SLC16A14: variants seen among roughly 807,000 people sequenced by gnomAD.
SLC16A14 encodes the protein solute carrier family 16 member 14, also known as monocarboxylate transporter 14.
Under a neutral mutation model 35.8 loss-of-function variants are expected in SLC16A14, and 14 were observed. The observed-to-expected ratio is 0.39, with a 90% CI of 0.26 to 0.61. SLC16A14 has a LOEUF of 0.61. Ranked by LOEUF, SLC16A14 falls within the 20% of genes least tolerant of loss-of-function variation. The pLI is 0.51. For synonymous variants in SLC16A14, 248 were observed against 258.9 expected, an observed-to-expected ratio of 0.96 and a Z score of 0.40; for missense variants, 533 against 655.0, an observed-to-expected ratio of 0.81 and a Z score of 2.03.
At chr2:230,063,026 G>GCCTGTAAT (rs1450876541) in intron 1 of SLC16A14, among the ~76,000 whole-genome samples, 2 of 152,092 alleles carry the variant, frequency 1.3e-5, no homozygotes, top group South Asian at 4.1e-4. Flanking sequence ...AGTGGTTCAA[G>GCCTGTAAT]CCTGTAATCC....
intron 1 of SLC16A14, among the ~76,000 whole-genome samples, chr2:230,060,523 A>ATG (rs1560481689): frequency 6.6e-5 from 10 of 150,790 alleles, no homozygotes; most frequent in African/African-American, 2.2e-4. Context: ...TCATATGTAT[A>ATG]TATGTATGTA....
At chr2:230,058,293 A>G (rs2077723540) in intron 2 of SLC16A14, 1 of 152,108 alleles carries the variant, frequency 6.6e-6, no homozygotes, top group South Asian at 2.1e-4. Flanking sequence ...AATATTAATA[A>G]GTTCTGATAA....
intron 2 of SLC16A14, 179 bp downstream of exon 2, chr2:230,058,915 G>A (rs559309846): frequency 4.3e-5 from 35 of 817,948 alleles, no homozygotes; most frequent in South Asian, 5.6e-5. Flanking sequence ...TTACAGGTGT[G>A]AGTCACCGTG....
chr2:230,040,079 G>T (rs945249632), intron 4 of SLC16A14, among the ~76,000 whole-genome samples: 21 of 151,988 alleles, frequency 1.4e-4, no homozygotes, highest in African/African-American at 5.1e-4. Flanking sequence ...TTCTGGGTGG[G>T]ATAGTAATAA....
intron 4 of SLC16A14, among the ~76,000 whole-genome samples, chr2:230,043,066 C>T (rs181724116): frequency 2.1e-4 from 32 of 152,308 alleles, no homozygotes; most frequent in African/African-American, 7.5e-4. Context: ...GCGTTCTGAC[C>T]TGACAGAGAA....
chr2:230,058,857 A>G (rs1456832237), intron 2 of SLC16A14, among the ~76,000 whole-genome samples: 2 of 152,172 alleles, frequency 1.3e-5, no homozygotes, highest in Non-Finnish European at 2.9e-5. Context: ...GATCTCGAAC[A>G]TCCGACCTCA....
In SLC16A14 at chr2:230,046,003, C is replaced by A; in HGVS notation, c.1123G>T (p.Asp375Tyr). 2 of 1,613,920 alleles carry A rather than the reference C, an allele frequency of 1.2e-6. No individual in the cohort carries two copies. Among genetic ancestry groups the A allele is most frequent in the Non-Finnish European group, 1.7e-6 (2 of 1,179,782 alleles). The part of the protein sequence containing the change: ...FGKVILGVIA[D>Y]LPCISVWNVF... Reference sequence around the variant, plus strand: ...TTCCAAACACTAATGCAAGGCAAGTCGGCTATGACGCCCAGGATCACTTTT... The same window carrying A: ...TTCCAAACACTAATGCAAGGCAAGTAGGCTATGACGCCCAGGATCACTTTT... Residue 375 changes from aspartate to tyrosine, a missense_variant, in exon 4 of 5, where the codon GAC becomes TAC. Physicochemically the swap from Asp to Tyr is radical, Grantham distance 160. Transcript: ENST00000295190. The surrounding 1 kb of genome is among the most constrained non-coding windows in gnomAD (Gnocchi z 5.0).
chr2:230,055,395 T>C (rs947913056), intron 2 of SLC16A14, among the ~76,000 whole-genome samples: 1 of 152,180 alleles, frequency 6.6e-6, no homozygotes, highest in African/African-American at 2.4e-5. Context: ...ATAGATAGAA[T>C]AAAAGACCTT....
intron 4 of SLC16A14, among the ~76,000 whole-genome samples, chr2:230,037,982 A>G (rs567275413): frequency 6.6e-6 from 1 of 152,374 alleles, no homozygotes; most frequent in East Asian, 1.9e-4. Flanking sequence ...GTGTGTATCA[A>G]AAGAGGCTGG....
Position 230,052,359 on chromosome 2 carries a change from T to C in SLC16A14, c.260-2455A>G, listed in dbSNP as rs374402258. 7.2e-5 allele frequency among the ~76,000 whole-genome samples: 11 copies of C among 152,236 alleles called. No individual in the cohort carries two copies. In the East Asian group the frequency reaches 9.6e-4, roughly 13 times the overall value. On this transcript the variant is annotated intron_variant, in intron 2 of 4. Coordinates refer to ENST00000295190, the MANE Select transcript of SLC16A14 (RefSeq NM_152527.5). ...GGGGTTAACTGAAATTCACATACCGTAAGTTAGAGATACTTGTCTGATTTC... is the reference window on the plus strand; with the variant it reads ...GGGGTTAACTGAAATTCACATACCGCAAGTTAGAGATACTTGTCTGATTTC...
chr2:230,045,326 G>A (rs1243743566), intron 4 of SLC16A14, among the ~76,000 whole-genome samples: 1 of 152,246 alleles, frequency 6.6e-6, no homozygotes, highest in Non-Finnish European at 1.5e-5. Flanking sequence ...GGAAGGCTGA[G>A]GCAGGTGGAT....
At chr2:230,051,343 T>G (rs1469148218) in intron 2 of SLC16A14, among the ~76,000 whole-genome samples, 2 of 152,134 alleles carry the variant, frequency 1.3e-5, no homozygotes, top group Non-Finnish European at 2.9e-5. Context: ...GTATTTTTTA[T>G]AGAGATAGGG....
chr2:230,040,187 C>T (rs1417787600), intron 4 of SLC16A14, among the ~76,000 whole-genome samples: 1 of 151,724 alleles, frequency 6.6e-6, no homozygotes, highest in Non-Finnish European at 1.5e-5. Context: ...AAGTATATTA[C>T]ATATTGCTAC....
At chr2:230,063,976 T>C (rs2106281088) in intron 1 of SLC16A14, among the ~76,000 whole-genome samples, 1 of 151,970 alleles carries the variant, frequency 6.6e-6, no homozygotes, top group South Asian at 2.1e-4. Flanking sequence ...CGCATACTTG[T>C]GGTCCCAGCT....
At chr2:230,054,908 A>AAG (rs1355310156) in intron 2 of SLC16A14, among the ~76,000 whole-genome samples, 2 of 151,946 alleles carry the variant, frequency 1.3e-5, no homozygotes, top group East Asian at 3.9e-4. Flanking sequence ...AAAAAAAAAA[A>AAG]AAGAAGAAGA....
chr2:230,057,281 C>A (rs2077713311), intron 2 of SLC16A14, among the ~76,000 whole-genome samples: 1 of 152,122 alleles, frequency 6.6e-6, no homozygotes, highest in African/African-American at 2.4e-5. Flanking sequence ...AGAGTTATTT[C>A]ATTTTCAAAC....
intron 2 of SLC16A14, 100 bp from the exon 3 acceptor site, chr2:230,050,004 G>T: frequency 7.3e-7 from 1 of 1,378,030 alleles, no homozygotes; most frequent in Non-Finnish European, 9.8e-7. Context: ...TGTCACTAGA[G>T]CTGTTAAATG....
chr2:230,061,668 G>A (rs181244584), intron 1 of SLC16A14, among the ~76,000 whole-genome samples: 1 of 152,198 alleles, frequency 6.6e-6, no homozygotes, highest in African/African-American at 2.4e-5. Context: ...TGAAGACTGC[G>A]AGGTACAAAA....
Position 230,046,044 on chromosome 2 carries a change from A to G in SLC16A14, c.1082T>C (p.Ile361Thr), listed in dbSNP as rs1036207505. 3.1e-6 allele frequency: 5 copies of G among 1,614,204 alleles called. No individual in the cohort carries two copies. The African/African-American group carries it at 5.3e-5, about 17-fold the overall frequency. The change falls in exon 4 of 5, where the codon ATA becomes ACA. Residue 361 changes from isoleucine (I) to threonine (T), a missense_variant. Physicochemically the swap from Ile to Thr is moderately conservative, Grantham distance 89 (BLOSUM62 -1). Coordinates refer to ENST00000295190, the MANE Select transcript of SLC16A14 (RefSeq NM_152527.5). The surrounding 1 kb of genome is among the most constrained non-coding windows in gnomAD (Gnocchi z 5.0). ...GATCACTTTTCCAAAGATGTGAACT[A>G]TTGCTATAATTGACGTCAGAGGGAA... is the stretch of plus-strand genomic sequence containing the variant. ...DVFPLTSIIA[I>T]VHIFGKVILG...
Sources: allele counts gnomAD v4.1 joint callset (sites outside exome capture counted in the v4.1 genomes callset), GRCh38; gene constraint gnomAD v4.1.1; non-coding constraint Gnocchi (gnomAD v3.1); transcripts MANE v1.5; gene names NCBI Gene and HGNC (gene_info 2026-07-23, HGNC 2026-07-21).